Variants in OTUD7A observed in about 807,000 individuals in gnomAD.
OTUD7A encodes the protein OTU domain-containing protein 7A.
Under a neutral mutation model 65.7 loss-of-function variants are expected in OTUD7A, and 12 were observed. That is an observed-to-expected ratio of 0.18 (90% confidence interval 0.12 to 0.30). The LOEUF (loss-of-function observed/expected upper bound fraction) is 0.30, where lower values mean the gene tolerates loss of function less well. Ranked by LOEUF, OTUD7A falls within the 10% of genes least tolerant of loss-of-function variation. OTUD7A has a pLI of 1.00. For synonymous variants in OTUD7A, 641 were observed against 586.3 expected (o/e 1.09, Z -1.35); for missense variants, 1,148 against 1,304.8 (o/e 0.88, Z 1.85).
At chr15:31,716,669 A>G (rs190095387) in intron 1 of OTUD7A, among the ~76,000 whole-genome samples, 1 of 139,578 alleles carries the variant, frequency 7.2e-6, no homozygotes, top group Non-Finnish European at 1.6e-5. Context: ...GGAATGCTGC[A>G]TGGAACCTGG....
intron 5 of OTUD7A, among the ~76,000 whole-genome samples, chr15:31,551,457 T>C (rs1888321643): frequency 6.6e-6 from 1 of 152,094 alleles, no homozygotes; most frequent in Non-Finnish European, 1.5e-5. Context: ...AATAAGAAAA[T>C]CACAGGTGAA....
chr15:31,745,792 T>C (rs965123114), intron 1 of OTUD7A, among the ~76,000 whole-genome samples: 1 of 152,092 alleles, frequency 6.6e-6, no homozygotes, highest in African/African-American at 2.4e-5. Flanking sequence ...ACTTGACAAA[T>C]GATTTAATTC....
rs914443367 is a variant in OTUD7A at position 31,484,824 on chromosome 15, G to T, written c.1372-100C>A. On this transcript the variant is annotated intron_variant, in intron 12 of 12. Transcript: ENST00000307050. The surrounding 1 kb of genome is among the most constrained non-coding windows in gnomAD (Gnocchi z 4.5). ...TTGCCCCTGTGTTGCCGAGGCTAGG[G>T]CCCTGGACCTTCACTGTCCCAGTCC... 11 of 1,486,970 alleles carry T rather than the reference G, an allele frequency of 7.4e-6. No homozygotes were observed. The Admixed American group carries it at 2.3e-4, about 32-fold the overall frequency. 92.1% of individuals were successfully genotyped at this position (1,486,970 alleles called of 1,614,324 possible).
At chr15:31,657,326 T>C (rs1270864195) in intron 1 of OTUD7A, among the ~76,000 whole-genome samples, 3 of 152,184 alleles carry the variant, frequency 2.0e-5, no homozygotes, top group South Asian at 2.1e-4. Flanking sequence ...TGAGGATTAC[T>C]TGCACAGCAC....
At chr15:31,805,276 AC>A (rs1206878255) in intron 1 of OTUD7A, among the ~76,000 whole-genome samples, 1 of 152,232 alleles carries the variant, frequency 6.6e-6, no homozygotes, top group Admixed American at 6.5e-5. Context: ...GGCAGGTGTA[AC>A]CAACCTGGTA....
Position 31,734,386 on chromosome 15 carries a change from T to C in OTUD7A, c.-99-77309A>G, listed in dbSNP as rs575921692. Among the ~76,000 whole-genome samples, 29 of 152,254 alleles carry C rather than the reference T, an allele frequency of 1.9e-4. 1 individual carries two copies. Among genetic ancestry groups the C allele is most frequent in the Middle Eastern group, 3.4e-3 (1 of 294 alleles). On this transcript the variant is annotated intron_variant, in intron 1 of 12. Transcript: ENST00000307050. ...ATTAAACTACCATTGAGATTCTTCA[T>C]AGAACTAGAAAAAAGTATCTTAAAT... is the stretch of plus-strand genomic sequence containing the variant.
Position 31,629,103 on chromosome 15 carries a change from G to T in OTUD7A, c.151+25993C>A, listed in dbSNP as rs191399106. Reference sequence around the variant, plus strand: ...CTTTATTTCCTTCTCCTGCCTAATTGCCCTGGCCAGAACTTCCAACACTAT... The same window carrying T: ...CTTTATTTCCTTCTCCTGCCTAATTTCCCTGGCCAGAACTTCCAACACTAT... On this transcript the variant is annotated intron_variant, in intron 3 of 12. Coordinates refer to ENST00000307050, the MANE Select transcript of OTUD7A (RefSeq NM_001382637.1). 1.9e-3 allele frequency among the ~76,000 whole-genome samples: 295 copies of T among 151,966 alleles called. 1 individual carries two copies. The highest frequency in any genetic ancestry group is 6.8e-3 in the African/African-American group (281 of 41,406).
At chr15:31,540,094 G>C (rs898331454) in intron 5 of OTUD7A, among the ~76,000 whole-genome samples, 1 of 152,196 alleles carries the variant, frequency 6.6e-6, no homozygotes, top group African/African-American at 2.4e-5. Flanking sequence ...TGTTTCAATA[G>C]ATTGAGTTGA....
intron 5 of OTUD7A, among the ~76,000 whole-genome samples, chr15:31,552,397 A>G (rs1888353827): frequency 6.6e-6 from 1 of 152,260 alleles, no homozygotes. Context: ...GGAGAAGATA[A>G]CTTAGTATTT....
At chr15:31,712,850 C>T (rs1416808580) in intron 1 of OTUD7A, among the ~76,000 whole-genome samples, 10 of 145,474 alleles carry the variant, frequency 6.9e-5, no homozygotes, top group Non-Finnish European at 1.5e-4. Flanking sequence ...AAAAATTTCT[C>T]TTCACAGAAT....
Position 31,475,770 on chromosome 15 carries a change from G to A in OTUD7A, c.*7524C>T, listed in dbSNP as rs1281645337. The A allele has an allele frequency of 6.6e-6, 1 of 152,180 alleles. No homozygotes were observed. The highest frequency in any genetic ancestry group is 2.4e-5 in the African/African-American group (1 of 41,454). The allele number at this position is 152,180 out of a possible 1,614,324, so 9.4% of individuals were successfully genotyped here. On this transcript the variant is annotated 3_prime_UTR_variant, in exon 13 of 13. Transcript: ENST00000307050. The stretch of plus-strand genomic sequence containing the variant: ...AGGTAGAAAGGGGTTCTGCACAACT[G>A]GGTCAAAGTAATGTGATTGACGACC...
chr15:31,821,739 ACATT>A (rs1442794859), intron 1 of OTUD7A, among the ~76,000 whole-genome samples: 1 of 152,216 alleles, frequency 6.6e-6, no homozygotes, highest in East Asian at 1.9e-4. Flanking sequence ...CCAGAAACAT[ACATT>A]TGATAGTTCC....
chr15:31,542,186 C>A (rs905688215), intron 5 of OTUD7A, among the ~76,000 whole-genome samples: 1 of 151,974 alleles, frequency 6.6e-6, no homozygotes, highest in Non-Finnish European at 1.5e-5. Context: ...AGAAAACAAG[C>A]CACTGTGAGT....
At chr15:31,680,912 T>C (rs1269489806) in intron 1 of OTUD7A, among the ~76,000 whole-genome samples, 3 of 150,910 alleles carry the variant, frequency 2.0e-5, no homozygotes, top group African/African-American at 7.5e-5. Flanking sequence ...AGGAAGTCAC[T>C]AAACCCCTGT....
chr15:31,564,561 AGTT>A (rs1421839327), intron 4 of OTUD7A, among the ~76,000 whole-genome samples: 2 of 152,112 alleles, frequency 1.3e-5, no homozygotes, highest in East Asian at 1.9e-4. Context: ...GGGAAAATAT[AGTT>A]GTTAAGTTTT....
chr15:31,615,407 C>T (rs1890556921), intron 3 of OTUD7A, among the ~76,000 whole-genome samples: 1 of 151,978 alleles, frequency 6.6e-6, no homozygotes, highest in Non-Finnish European at 1.5e-5. Context: ...AATATCAGTC[C>T]TACAGGAAGC....
intron 1 of OTUD7A, among the ~76,000 whole-genome samples, chr15:31,775,117 CA>C (rs1484546306): frequency 1.5e-4 from 23 of 149,888 alleles, no homozygotes; most frequent in South Asian, 6.4e-4. Flanking sequence ...CACACACACA[CA>C]CCCCTCCCCT....
chr15:31,528,431 G>C (rs1412712765), intron 6 of OTUD7A, among the ~76,000 whole-genome samples: 1 of 152,254 alleles, frequency 6.6e-6, no homozygotes, highest in Non-Finnish European at 1.5e-5. Flanking sequence ...CGAGGGAACT[G>C]TGAGCCTCTG....
chr15:31,594,499 C>T (rs1889845425), intron 3 of OTUD7A, among the ~76,000 whole-genome samples: 1 of 152,178 alleles, frequency 6.6e-6, no homozygotes, highest in African/African-American at 2.4e-5. Context: ...CCAGGGTTAG[C>T]AGTGGAGTCT....
Sources: allele counts gnomAD v4.1 joint callset (sites outside exome capture counted in the v4.1 genomes callset), GRCh38; gene constraint gnomAD v4.1.1; non-coding constraint Gnocchi (gnomAD v3.1); transcripts MANE v1.5; gene names NCBI Gene and HGNC (gene_info 2026-07-23, HGNC 2026-07-21).